FBRSL1: variants seen among roughly 807,000 people sequenced by gnomAD.
FBRSL1 encodes fibrosin like 1.
FBRSL1 carries 51 observed loss-of-function variants against 89.6 expected under a neutral mutation model. The observed-to-expected ratio is 0.57, with a 90% CI of 0.45 to 0.72. The LOEUF (loss-of-function observed/expected upper bound fraction) is 0.72, where lower values mean the gene tolerates loss of function less well. Ranked by LOEUF, FBRSL1 falls within the 30% of genes least tolerant of loss-of-function variation. FBRSL1 has a pLI of 0.00. For synonymous variants in FBRSL1, 779 were observed against 681.1 expected (o/e 1.14, Z -2.24); for missense variants, 1,618 against 1,451.8 (o/e 1.11, Z -1.86).
At chr12:132,558,105 C>T (rs1201840858) in intron 5 of FBRSL1, among the ~76,000 whole-genome samples, 2 of 151,946 alleles carry the variant, frequency 1.3e-5, no homozygotes, top group African/African-American at 4.8e-5. Flanking sequence ...GTCACAGGGC[C>T]CCTTCACGGC....
intron 4 of FBRSL1, among the ~76,000 whole-genome samples, chr12:132,538,928 G>T (rs1434770608): frequency 6.6e-6 from 1 of 152,088 alleles, no homozygotes; most frequent in African/African-American, 2.4e-5. Context: ...AGTGTGGCGG[G>T]GCCCTGACCG....
chr12:132,578,124 T>A (rs551073233), intron 15 of FBRSL1, among the ~76,000 whole-genome samples: 29 of 152,332 alleles, frequency 1.9e-4, no homozygotes, highest in African/African-American at 6.5e-4. Flanking sequence ...CTGTTTTGTG[T>A]GTTACATGTA....
At chr12:132,526,311 T>C (rs2035787621) in intron 3 of FBRSL1, among the ~76,000 whole-genome samples, 1 of 152,208 alleles carries the variant, frequency 6.6e-6, no homozygotes, top group Admixed American at 6.5e-5. Context: ...AATGAAGGCC[T>C]CACTGCCCGG....
chr12:132,535,864 C>A (rs558091804), intron 4 of FBRSL1, among the ~76,000 whole-genome samples: 1 of 141,322 alleles, frequency 7.1e-6, no homozygotes, highest in South Asian at 2.3e-4. Context: ...GCACGTGTGT[C>A]CATGATGGTG....
At chr12:132,577,033 C>A in intron 15 of FBRSL1, 102 bp downstream of exon 15, 1 of 1,423,042 alleles carries the variant, frequency 7.0e-7, no homozygotes, top group Non-Finnish European at 9.4e-7. Flanking sequence ...CTCTGGACCG[C>A]AGCACCAGCC....
At chr12:132,527,292 C>T (rs1435455247) in intron 3 of FBRSL1, among the ~76,000 whole-genome samples, 1 of 152,224 alleles carries the variant, frequency 6.6e-6, no homozygotes, top group Non-Finnish European at 1.5e-5. Context: ...CCAGGTCTTC[C>T]TGCCTCCTCT....
chr12:132,507,421 G>T, intron 1 of FBRSL1: 1 of 985,632 alleles, frequency 1.0e-6, no homozygotes, highest in Non-Finnish European at 1.2e-6. Flanking sequence ...GTGTGGAGGT[G>T]GGGACCCCAG....
intron 5 of FBRSL1, among the ~76,000 whole-genome samples, chr12:132,564,329 AC>A (rs2039407214): frequency 6.6e-6 from 1 of 152,002 alleles, no homozygotes; most frequent in African/African-American, 2.4e-5. Context: ...CACAGTGAGG[AC>A]CTAGTAATCC....
intron 15 of FBRSL1, 165 bp from the exon 16 acceptor site, chr12:132,581,274 T>C: frequency 1.0e-6 from 1 of 985,346 alleles, no homozygotes; most frequent in Non-Finnish European, 1.2e-6. Context: ...TGGGGTAGAT[T>C]CCACCTCTTA....
rs12814870 is a variant in FBRSL1 at position 132,548,448 on chromosome 12, A to T, written c.645+416A>T. On this transcript the variant is annotated intron_variant, in intron 5 of 18. Coordinates refer to ENST00000680143, the MANE Select transcript of FBRSL1 (RefSeq NM_001367871.1). ...CCAGCCCCCACCCTAAACCCGGTGGACCCCAGAACCAGGAGGTAGATGCGC... is the reference window on the plus strand; with the variant it reads ...CCAGCCCCCACCCTAAACCCGGTGGTCCCCAGAACCAGGAGGTAGATGCGC... 2.6e-5 allele frequency among the ~76,000 whole-genome samples: 4 copies of T among 152,168 alleles called. No individual in the cohort carries two copies. The East Asian group carries it at 7.8e-4, about 30-fold the overall frequency.
chr12:132,519,720 C>G (rs1466991389), intron 2 of FBRSL1, among the ~76,000 whole-genome samples: 1 of 152,140 alleles, frequency 6.6e-6, no homozygotes, highest in African/African-American at 2.4e-5. Context: ...ACCAGTCTGG[C>G]CAAGATGGTG....
At chr12:132,561,076 G>T (rs1480734786) in intron 5 of FBRSL1, among the ~76,000 whole-genome samples, 1 of 152,218 alleles carries the variant, frequency 6.6e-6, no homozygotes, top group Non-Finnish European at 1.5e-5. Context: ...GCCGGCCCCT[G>T]TTCTGCTCTC....
At chr12:132,568,654 C>T (rs1374841840) in intron 6 of FBRSL1, among the ~76,000 whole-genome samples, 1 of 152,268 alleles carries the variant, frequency 6.6e-6, no homozygotes, top group Admixed American at 6.5e-5. Context: ...TCTTTCCATC[C>T]TGATCACAGC....
intron 4 of FBRSL1, among the ~76,000 whole-genome samples, chr12:132,545,503 C>T (rs918416757): frequency 1.1e-4 from 16 of 152,260 alleles, no homozygotes; most frequent in African/African-American, 3.1e-4. Flanking sequence ...TCCTCTGGTG[C>T]GCTTGCTGGA....
intron 14 of FBRSL1, among the ~76,000 whole-genome samples, chr12:132,575,011 G>T (rs545468971): frequency 5.3e-5 from 8 of 152,116 alleles, no homozygotes; most frequent in African/African-American, 1.9e-4. Flanking sequence ...CGGGAGCCCC[G>T]CGGGCAGCTC....
intron 12 of FBRSL1, 37 bp downstream of exon 12, chr12:132,574,195 A>G: frequency 7.0e-7 from 1 of 1,427,954 alleles, no homozygotes; most frequent in Non-Finnish European, 9.1e-7. Context: ...ACCCCGGGGG[A>G]TGGCCTGCCC....
At chr12:132,520,787 A>C (rs1034509354) in intron 2 of FBRSL1, among the ~76,000 whole-genome samples, 2 of 152,206 alleles carry the variant, frequency 1.3e-5, no homozygotes, top group African/African-American at 4.8e-5. Context: ...GCCTGGGGAC[A>C]CTGTGAGGGC....
intron 1 of FBRSL1, among the ~76,000 whole-genome samples, chr12:132,497,216 C>T (rs947607798): frequency 4.6e-5 from 7 of 152,174 alleles, no homozygotes; most frequent in African/African-American, 1.7e-4. Flanking sequence ...GCACTCCAGC[C>T]CATTTACTGG....
In FBRSL1 at chr12:132,551,028, G is replaced by A. The variant is rs147107834; in HGVS notation, c.645+2996G>A. On this transcript the variant is annotated intron_variant, in intron 5 of 18. Coordinates refer to ENST00000680143, the MANE Select transcript of FBRSL1 (RefSeq NM_001367871.1). ...CCGTCCCCAGCCCTCCTCCCTACCC[G>A]CTGGGAGCAGAGGCACCCAGATCTC... is the stretch of plus-strand genomic sequence containing the variant. The A allele has an allele frequency of 7.9e-3, 1,914 of 243,024 alleles. 12 individuals are homozygous for A. Among genetic ancestry groups the A allele is most frequent in the Non-Finnish European group, 0.012 (1,493 of 119,982 alleles). 15.1% of individuals were successfully genotyped at this position (243,024 alleles called of 1,614,324 possible).
Sources: gnomAD v4.1 joint callset for allele counts (sites outside exome capture counted in the v4.1 genomes callset) on GRCh38, gnomAD v4.1.1 for gene constraint, MANE v1.5 for transcripts, NCBI Gene and HGNC (gene_info 2026-07-23, HGNC 2026-07-21) for gene names.